The following PRKDC variants were observed in gnomAD, a reference collection of about 807,000 sequenced individuals.
The protein encoded by PRKDC is protein kinase, DNA-activated, catalytic subunit.
PRKDC carries 82 observed loss-of-function variants against 486.9 expected under a neutral mutation model. That is an observed-to-expected ratio of 0.17 (90% CI 0.14 to 0.20). The LOEUF is 0.20. Ranked by LOEUF, PRKDC falls within the 10% of genes least tolerant of loss-of-function variation. PRKDC has a pLI of 1.00. For missense variants in PRKDC, 4,504 were observed against 5,038.2 expected (o/e 0.89, Z 3.21); for synonymous variants, 1,895 against 1,837.0 (o/e 1.03, Z -0.81).
chr8:47,826,409 A>C (rs1292953580), intron 63 of PRKDC, among the ~76,000 whole-genome samples: 1 of 152,230 alleles, frequency 6.6e-6, no homozygotes, highest in Non-Finnish European at 1.5e-5. Flanking sequence ...AGTCCAAAAA[A>C]TCATATACTG....
intron 36 of PRKDC, among the ~76,000 whole-genome samples, chr8:47,882,919 G>A (rs572913941): frequency 2.0e-4 from 30 of 152,322 alleles, no homozygotes; most frequent in African/African-American, 7.2e-4. Flanking sequence ...ATTGCTGCAA[G>A]CCCTCTAAGC....
intron 21 of PRKDC, among the ~76,000 whole-genome samples, chr8:47,925,453 T>C (rs1375648467): frequency 6.6e-6 from 1 of 152,168 alleles, no homozygotes; most frequent in Non-Finnish European, 1.5e-5. Context: ...CTAAGAAAGG[T>C]TGAAGAACTA....
intron 31 of PRKDC, among the ~76,000 whole-genome samples, chr8:47,891,449 G>A (rs1016777009): frequency 6.6e-5 from 10 of 152,112 alleles, no homozygotes; most frequent in African/African-American, 1.2e-4. Flanking sequence ...AGCCGGGCGC[G>A]GTGGCTCACA....
chr8:47,926,000 A>G (rs1189274117), intron 21 of PRKDC, among the ~76,000 whole-genome samples: 1 of 152,188 alleles, frequency 6.6e-6, no homozygotes, highest in Non-Finnish European at 1.5e-5. Flanking sequence ...CAATTATCGA[A>G]TCATCTAGAT....
intron 35 of PRKDC, among the ~76,000 whole-genome samples, 175 bp downstream of exon 35, chr8:47,887,369 CTTT>C (rs898786629): frequency 6.8e-6 from 1 of 147,318 alleles, no homozygotes; most frequent in Non-Finnish European, 1.5e-5. Context: ...CTATTCCGTT[CTTT>C]TTTTTTTTAA....
intron 21 of PRKDC, among the ~76,000 whole-genome samples, chr8:47,922,765 T>A (rs139546040): frequency 4.6e-5 from 7 of 152,280 alleles, no homozygotes; most frequent in African/African-American, 1.7e-4. Flanking sequence ...GAAACAGAAA[T>A]AATGTTTTAA....
chr8:47,946,824 C>T (rs1473037645), intron 7 of PRKDC, among the ~76,000 whole-genome samples: 1 of 152,170 alleles, frequency 6.6e-6, no homozygotes, highest in East Asian at 1.9e-4. Context: ...CCCGGTCTCT[C>T]CCATCCCATT....
intron 17 of PRKDC, 62 bp downstream of exon 17, chr8:47,930,610 A>G (rs2090233983): frequency 6.9e-7 from 1 of 1,455,060 alleles, no homozygotes. Context: ...GGAATTTCCT[A>G]TATTACAGCC....
chr8:47,884,048 A>T, intron 36 of PRKDC, among the ~76,000 whole-genome samples: 1 of 152,282 alleles, frequency 6.6e-6, no homozygotes, highest in East Asian at 1.9e-4. Context: ...AACTGAAAGT[A>T]TTCAGAGGGA....
rs769186076 is a variant in PRKDC, at chr8:47,957,163, A to G, written c.324+8T>C. 6.5e-7 allele frequency: 1 copy of G among 1,535,092 alleles called. No homozygotes were observed. The highest frequency in any genetic ancestry group is 1.4e-5 in the African/African-American group (1 of 72,748). On this transcript the variant is annotated splice_region_variant and intron_variant, in intron 3 of 85. Coordinates refer to ENST00000314191, the MANE Select transcript of PRKDC (RefSeq NM_006904.7). ...ATAATGTAATAAGGTATGTTTTTTA[A>G]TTCTTACCTTAATTTCAACAGAGTA...
intron 70 of PRKDC, 145 bp downstream of exon 70, chr8:47,803,161 C>T (rs1208288170): frequency 2.7e-6 from 2 of 743,604 alleles, no homozygotes; most frequent in African/African-American, 3.6e-5. Context: ...CTATCATTCT[C>T]TGGCTCACTT....
chr8:47,786,723 C>CTTTTTTTTTTTT (rs5891257), intron 76 of PRKDC, among the ~76,000 whole-genome samples: 2 of 88,248 alleles, frequency 2.3e-5, no homozygotes, highest in Non-Finnish European at 3.8e-5. Context: ...ATTATTTAAT[C>CTTTTTTTTTTTT]TTTTTTTTTT....
intron 21 of PRKDC, among the ~76,000 whole-genome samples, chr8:47,919,412 T>C (rs1175737844): frequency 6.6e-6 from 1 of 152,272 alleles, no homozygotes; most frequent in Non-Finnish European, 1.5e-5. Context: ...ATTTCCTTTA[T>C]TAACTGCTGA....
rs775322168 is a variant in PRKDC at position 47,943,357 on chromosome 8, C to T, written c.818G>A (p.Arg273His). The T allele has an allele frequency of 5.6e-6, 9 of 1,599,598 alleles. No individual in the cohort carries two copies. Among genetic ancestry groups the T allele is most frequent in the Non-Finnish European group, 6.8e-6 (8 of 1,174,940 alleles). Reference protein sequence around the residue: ...KRYAVPSAGLRLFALHASQFS... With the variant: ...KRYAVPSAGLHLFALHASQFS... ...CTGAGATGCATGCAGGGCAAATAGG[C>T]GCAAGCCAGCTGCAAATGCAAATGC... The change falls in exon 10 of 86, where the codon CGC becomes CAC. Residue 273 changes from arginine to histidine, a missense_variant. By Grantham distance (29) the Arg-to-His change is conservative. Coordinates refer to ENST00000314191, the MANE Select transcript of PRKDC (RefSeq NM_006904.7).
At chr8:47,815,443 C>T (rs2087423239) in intron 68 of PRKDC, among the ~76,000 whole-genome samples, 1 of 152,150 alleles carries the variant, frequency 6.6e-6, no homozygotes, top group Admixed American at 6.5e-5. Context: ...TCAGAGACCT[C>T]AATGTAAGAC....
At chr8:47,859,562 T>A (rs1473871253) in intron 46 of PRKDC, 49 bp downstream of exon 46, 4 of 1,584,444 alleles carry the variant, frequency 2.5e-6, no homozygotes, top group South Asian at 1.2e-5. Context: ...GTGACCCCCT[T>A]TCTTCACAAA....
Position 47,784,257 on chromosome 8 carries a change from C to CA in PRKDC, c.11108-449dup, listed in dbSNP as rs538749759. ...TGGGTGACACAGCAAGACTCCATCG[C>CA]AAAAAAAAAAAAAAAGTTATTTCTC... On this transcript the variant is annotated intron_variant, in intron 77 of 85. Transcript: ENST00000314191. 921 of 102,640 alleles carry CA rather than the reference C, an allele frequency of 9.0e-3. 7 individuals are homozygous for CA. The highest frequency in any genetic ancestry group is 0.02 in the African/African-American group (540 of 26,862). The allele number at this position is 102,640 out of a possible 1,614,324, so 6.4% of individuals were successfully genotyped here.
At chr8:47,927,124 G>C in intron 21 of PRKDC, 70 bp downstream of exon 21, 2 of 1,450,056 alleles carry the variant, frequency 1.4e-6, no homozygotes, top group East Asian at 2.4e-5. Flanking sequence ...CAAAAATACA[G>C]TCCTACCTAT....
At chr8:47,837,107 A>G (rs1444041119) in intron 57 of PRKDC, 105 bp downstream of exon 57, 1 of 1,222,000 alleles carries the variant, frequency 8.2e-7, no homozygotes, top group African/African-American at 1.5e-5. Flanking sequence ...TTCAGAAAGG[A>G]ATGTGTATTC....
Sources: allele counts gnomAD v4.1 joint callset (sites outside exome capture counted in the v4.1 genomes callset), GRCh38; gene constraint gnomAD v4.1.1; transcripts MANE v1.5; gene names NCBI Gene and HGNC (gene_info 2026-07-23, HGNC 2026-07-21).